COLEC12: variants seen among roughly 807,000 people sequenced by gnomAD.
COLEC12 encodes collectin subfamily member 12.
In COLEC12, 33 loss-of-function variants were observed where a neutral mutation model predicts 71.1. That is an observed-to-expected ratio of 0.46 (90% confidence interval 0.35 to 0.62). The LOEUF is 0.62. Among genes scored for constraint, COLEC12 ranks in the 20% least tolerant of loss-of-function variants. The pLI, the probability that COLEC12 is intolerant of heterozygous loss-of-function variation, is 0.00. For synonymous variants in COLEC12, 350 were observed against 353.0 expected, an observed-to-expected ratio of 0.99 and a Z score of 0.10; for missense variants, 765 against 916.1, an observed-to-expected ratio of 0.84 and a Z score of 2.13.
At chr18:378,940 C>A (rs1290019738) in intron 2 of COLEC12, among the ~76,000 whole-genome samples, 2 of 152,130 alleles carry the variant, frequency 1.3e-5, no homozygotes, top group African/African-American at 4.8e-5. Context: ...GAACTTCACA[C>A]CCAAACTGCC....
intron 2 of COLEC12, among the ~76,000 whole-genome samples, chr18:461,468 C>A (rs1916981763): frequency 6.6e-6 from 1 of 152,136 alleles, no homozygotes; most frequent in Admixed American, 6.5e-5. Context: ...CTCACTGCAG[C>A]CTCAAACTCC....
rs150744875 is a variant in COLEC12 at position 347,130 on chromosome 18, G to A, written c.492C>T (p.Ile164=). The A allele has an allele frequency of 1.8e-5, 29 of 1,614,214 alleles. No homozygotes were observed. The highest frequency in any genetic ancestry group is 2.5e-5 in the Non-Finnish European group (29 of 1,180,034). ...CCTGGAGGGTTTTGTTTACAGTGGT[G>A]ATGAGGAAAGAGTTATTCTCCAAAG... ...KETLENNSFL[I]TTVNKTLQAY... Residue 164 remains isoleucine, a synonymous_variant, in exon 5 of 10, where the codon ATC becomes ATT. Coordinates refer to ENST00000400256, the MANE Select transcript of COLEC12 (RefSeq NM_130386.3).
chr18:353,288 C>T (rs523312), intron 3 of COLEC12, among the ~76,000 whole-genome samples: 29,749 of 152,052 alleles, frequency 0.2, 3,555 homozygotes, highest in Non-Finnish European at 0.25. Context: ...TGCTCTTTGC[C>T]GGATGCACTA....
intron 2 of COLEC12, among the ~76,000 whole-genome samples, chr18:397,746 A>G (rs78868816): frequency 0.051 from 7,812 of 152,282 alleles, 270 homozygotes; most frequent in East Asian, 0.18. Context: ...CTCACTGATA[A>G]GTCCATTTAA....
chr18:388,018 C>T (rs1056992514), intron 2 of COLEC12, among the ~76,000 whole-genome samples: 1 of 152,158 alleles, frequency 6.6e-6, no homozygotes, highest in Admixed American at 6.6e-5. Flanking sequence ...TCAGTATCTT[C>T]CCCGCAAAAC....
chr18:396,211 G>A (rs1915568043), intron 2 of COLEC12, among the ~76,000 whole-genome samples: 5 of 152,210 alleles, frequency 3.3e-5, no homozygotes, highest in Admixed American at 3.3e-4. Flanking sequence ...GTGGCAGCAG[G>A]TAATGAGTAA....
At chr18:493,073 C>T (rs1182776084) in intron 1 of COLEC12, among the ~76,000 whole-genome samples, 3 of 152,136 alleles carry the variant, frequency 2.0e-5, no homozygotes, top group South Asian at 2.1e-4. Flanking sequence ...CATGGTGGCA[C>T]GCACCTGTAC....
chr18:349,323 G>A (rs1914456329), intron 3 of COLEC12, among the ~76,000 whole-genome samples: 1 of 152,244 alleles, frequency 6.6e-6, no homozygotes, highest in South Asian at 2.1e-4. Context: ...TCAAGCCTTG[G>A]CAGCTTTCAT....
At chr18:485,552 C>T (rs1255469516) in intron 1 of COLEC12, among the ~76,000 whole-genome samples, 1 of 152,176 alleles carries the variant, frequency 6.6e-6, no homozygotes, top group East Asian at 1.9e-4. Flanking sequence ...TTTTGCTTAC[C>T]TATTTTGAAA....
At chr18:361,423 T>A (rs971074419) in intron 2 of COLEC12, among the ~76,000 whole-genome samples, 1 of 152,132 alleles carries the variant, frequency 6.6e-6, no homozygotes. Flanking sequence ...CCTCTTCCAT[T>A]CCCACTGGAA....
At chr18:357,361 C>T (rs1263952499) in intron 3 of COLEC12, 39 bp downstream of exon 3, 1 of 1,565,200 alleles carries the variant, frequency 6.4e-7, no homozygotes, top group African/African-American at 1.4e-5. Flanking sequence ...AATGAAGGAA[C>T]ACTTGTTATT....
At chr18:392,601 C>T (rs1249816795) in intron 2 of COLEC12, among the ~76,000 whole-genome samples, 1 of 152,182 alleles carries the variant, frequency 6.6e-6, no homozygotes. Flanking sequence ...GCTTTCTGGA[C>T]CCAGGTTTGT....
chr18:406,929 A>C (rs1458030103), intron 2 of COLEC12, among the ~76,000 whole-genome samples: 1 of 152,276 alleles, frequency 6.6e-6, no homozygotes, highest in Admixed American at 6.5e-5. Flanking sequence ...GTGAGTTTGC[A>C]GTAGGCAGCT....
At chr18:482,311 A>C (rs1917437014) in intron 1 of COLEC12, among the ~76,000 whole-genome samples, 1 of 151,932 alleles carries the variant, frequency 6.6e-6, no homozygotes, top group Non-Finnish European at 1.5e-5. Context: ...ATGAGGTTTC[A>C]CCATATTGGT....
At chr18:337,576 T>G (rs1386541774) in intron 5 of COLEC12, among the ~76,000 whole-genome samples, 1 of 152,196 alleles carries the variant, frequency 6.6e-6, no homozygotes, top group East Asian at 1.9e-4. Flanking sequence ...TTCTTTCTAG[T>G]GTTATCTGCT....
intron 1 of COLEC12, among the ~76,000 whole-genome samples, chr18:498,377 T>TTTTTTTTTTTTG (rs1178071975): frequency 0.11 from 15,009 of 133,580 alleles, 1,120 homozygotes; most frequent in East Asian, 0.18. Flanking sequence ...TTTTTTTTTT[T>TTTTTTTTTTTTG]AGACGGAGTC....
At chr18:470,903 C>T (rs889391439) in intron 2 of COLEC12, among the ~76,000 whole-genome samples, 13 of 152,166 alleles carry the variant, frequency 8.5e-5, no homozygotes, top group East Asian at 3.8e-4. Context: ...TATATTTTCC[C>T]GTTTCACAGA....
At chr18:334,659 T>TG (rs1037578648) in intron 6 of COLEC12, 83 bp downstream of exon 6, 2 of 1,226,170 alleles carry the variant, frequency 1.6e-6, no homozygotes, top group African/African-American at 3.1e-5. Flanking sequence ...ATAACATGGG[T>TG]GGGGCCACAC....
intron 2 of COLEC12, among the ~76,000 whole-genome samples, chr18:375,463 T>A (rs11081063): frequency 6.6e-6 from 1 of 151,980 alleles, no homozygotes; most frequent in African/African-American, 2.4e-5. Context: ...TCCTCCCCCA[T>A]GCCTCCATCT....
Sources: allele counts gnomAD v4.1 joint callset (sites outside exome capture counted in the v4.1 genomes callset), GRCh38; gene constraint gnomAD v4.1.1; transcripts MANE v1.5; gene names NCBI Gene and HGNC (gene_info 2026-07-23, HGNC 2026-07-21).